DPYD: variants seen among roughly 807,000 people sequenced by gnomAD.
DPYD encodes the protein dihydropyrimidine dehydrogenase [NADP(+)].
DPYD carries 109 observed loss-of-function variants against 116.2 expected under a neutral mutation model. The ratio of observed to expected loss-of-function variants is 0.94; its 90% CI spans 0.80 to 1.10. The LOEUF is 1.10. Ranked by LOEUF, DPYD falls within the 50% of genes least tolerant of loss-of-function variation. The probability of loss-of-function intolerance (pLI) is 0.00; values close to 1 mark genes in which losing one functional copy is unlikely to be tolerated. For missense variants in DPYD, 1,302 were observed against 1,254.5 expected (o/e 1.04, Z -0.57); for synonymous variants, 440 against 432.0 (o/e 1.02, Z -0.23).
In DPYD at chr1:97,382,476, A is replaced by G; in HGVS notation, c.1906-15T>C. On this transcript the variant is annotated splice_polypyrimidine_tract_variant and intron_variant, in intron 14 of 22. Coordinates refer to ENST00000370192, the MANE Select transcript of DPYD (RefSeq NM_000110.4). ...GCAATCACAATCTTTAAAAAGAAAA[A>G]CAAAAGAATATAAGTTCAAGTAGTT... 6.5e-7 allele frequency: 1 copy of G among 1,534,158 alleles called. No individual in the cohort carries two copies. Among genetic ancestry groups the G allele is most frequent in the Non-Finnish European group, 8.9e-7 (1 of 1,124,234 alleles).
At position 97,701,958 on chromosome 1, in the gene DPYD, TAATAA is replaced by T. The variant is rs139672310; in HGVS notation, c.484-2416_484-2412del. ...ATGTTAACTAATGAGTTTAAATTGGTAATAAAATAATTTCTTATTCCCAGCTACAA... is the reference window on the plus strand; with the variant it reads ...ATGTTAACTAATGAGTTTAAATTGGTAATAATTTCTTATTCCCAGCTACAA... On this transcript the variant is annotated intron_variant, in intron 5 of 22. Transcript: ENST00000370192. Among the ~76,000 whole-genome samples the T allele has an allele frequency of 5.0e-3, 760 of 151,900 alleles. 5 individuals carry two copies. Among genetic ancestry groups the T allele is most frequent in the African/African-American group, 0.017 (721 of 41,532 alleles).
intron 1 of DPYD, among the ~76,000 whole-genome samples, chr1:97,914,744 A>C (rs758712569): frequency 1.3e-5 from 2 of 152,174 alleles, no homozygotes; most frequent in African/African-American, 4.8e-5. Flanking sequence ...TTAGACAGAA[A>C]TGAAATGAAA....
intron 3 of DPYD, among the ~76,000 whole-genome samples, chr1:97,810,740 CAG>C (rs1668312387): frequency 6.6e-6 from 1 of 152,038 alleles, no homozygotes; most frequent in Admixed American, 6.6e-5. Flanking sequence ...TTATTTCAGC[CAG>C]AGTGATATTT....
chr1:97,125,077 T>A (rs1329895767), intron 20 of DPYD, among the ~76,000 whole-genome samples: 1 of 152,166 alleles, frequency 6.6e-6, no homozygotes, highest in Non-Finnish European at 1.5e-5. Flanking sequence ...CTTAAAGGAT[T>A]CTTTTTAGAT....
chr1:97,916,262 G>C (rs1025947742), intron 1 of DPYD, among the ~76,000 whole-genome samples: 1 of 151,996 alleles, frequency 6.6e-6, no homozygotes, highest in African/African-American at 2.4e-5. Flanking sequence ...ATATACATGT[G>C]CCATGTTGGT....
At chr1:97,664,378 C>T (rs1261869001) in intron 8 of DPYD, among the ~76,000 whole-genome samples, 2 of 151,494 alleles carry the variant, frequency 1.3e-5, no homozygotes, top group African/African-American at 4.9e-5. Flanking sequence ...CTATTCAAAA[C>T]ATATATATGT....
intron 13 of DPYD, among the ~76,000 whole-genome samples, chr1:97,477,958 C>T (rs1678080492): frequency 6.6e-6 from 1 of 152,180 alleles, no homozygotes; most frequent in Non-Finnish European, 1.5e-5. Context: ...ATGTTTTCAA[C>T]TGACTATGCT....
At chr1:97,336,234 T>C (rs1471003188) in intron 16 of DPYD, among the ~76,000 whole-genome samples, 1 of 152,168 alleles carries the variant, frequency 6.6e-6, no homozygotes, top group Admixed American at 6.6e-5. Flanking sequence ...TTACACCTGG[T>C]AGGCTATTCA....
At chr1:97,879,033 T>C (rs1485138716) in intron 2 of DPYD, among the ~76,000 whole-genome samples, 1 of 152,028 alleles carries the variant, frequency 6.6e-6, no homozygotes, top group Non-Finnish European at 1.5e-5. Flanking sequence ...TATTTCCTTA[T>C]TCAAAAAAAT....
intron 11 of DPYD, among the ~76,000 whole-genome samples, chr1:97,572,496 TAATC>T (rs1652968766): frequency 6.6e-6 from 1 of 151,924 alleles, no homozygotes; most frequent in African/African-American, 2.4e-5. Context: ...GATAGGCAAA[TAATC>T]AACAGAATTG....
chr1:97,282,813 G>C (rs6700981), intron 18 of DPYD, among the ~76,000 whole-genome samples: 2 of 151,942 alleles, frequency 1.3e-5, no homozygotes, highest in East Asian at 3.9e-4. Context: ...GAGTGAGAAC[G>C]GTATTTGGTT....
intron 19 of DPYD, among the ~76,000 whole-genome samples, chr1:97,196,871 T>C (rs1343392649): frequency 6.6e-6 from 1 of 152,174 alleles, no homozygotes; most frequent in Non-Finnish European, 1.5e-5. Context: ...ACCAAATGCA[T>C]ACGTTTTTAA....
At chr1:97,359,169 C>A (rs898650339) in intron 16 of DPYD, among the ~76,000 whole-genome samples, 2 of 151,952 alleles carry the variant, frequency 1.3e-5, no homozygotes, top group African/African-American at 4.8e-5. Flanking sequence ...GACACATGCA[C>A]AAGCTTCAAT....
At chr1:97,846,105 C>G (rs951443367) in intron 2 of DPYD, among the ~76,000 whole-genome samples, 1 of 152,146 alleles carries the variant, frequency 6.6e-6, no homozygotes, top group African/African-American at 2.4e-5. Context: ...GCCGAGTGGG[C>G]AGAATGAGCC....
intron 20 of DPYD, among the ~76,000 whole-genome samples, chr1:97,116,997 A>AC (rs1213413599): frequency 5.5e-5 from 4 of 72,998 alleles, no homozygotes; most frequent in Admixed American, 5.3e-4. Context: ...AAAAATACAA[A>AC]AAAAAAAAAA....
At chr1:97,847,661 A>G (rs1311939726) in intron 2 of DPYD, among the ~76,000 whole-genome samples, 2 of 152,216 alleles carry the variant, frequency 1.3e-5, no homozygotes, top group Non-Finnish European at 2.9e-5. Flanking sequence ...AAGTACTTAC[A>G]GAATTAAAAT....
At chr1:97,838,997 C>T (rs559376586) in intron 2 of DPYD, among the ~76,000 whole-genome samples, 61 of 152,320 alleles carry the variant, frequency 4.0e-4, no homozygotes, top group African/African-American at 1.3e-3. Context: ...CGCAGATCCT[C>T]ATGAATCAAT....
chr1:97,887,624 T>C (rs1337580241), intron 1 of DPYD, among the ~76,000 whole-genome samples: 1 of 151,758 alleles, frequency 6.6e-6, no homozygotes, highest in Non-Finnish European at 1.5e-5. Flanking sequence ...AGAAACAGAA[T>C]TGTGTGATCC....
rs181264848 is a variant in DPYD, at chr1:97,275,467, G to A, written c.2299+29792C>T. ...CTACTCCCAATTTTGTCACTTTGCA[G>A]TGGTCTATTTGCCTTTGGGCAGATC... On this transcript the variant is annotated intron_variant, in intron 18 of 22. Transcript: ENST00000370192. Among the ~76,000 whole-genome samples, 7 of 152,300 alleles carry A rather than the reference G, an allele frequency of 4.6e-5. No homozygotes were observed. In the East Asian group the frequency reaches 1.2e-3, roughly 25 times the overall value.
Sources: allele counts gnomAD v4.1 joint callset (sites outside exome capture counted in the v4.1 genomes callset), GRCh38; gene constraint gnomAD v4.1.1; transcripts MANE v1.5; gene names NCBI Gene and HGNC (gene_info 2026-07-23, HGNC 2026-07-21).